The following PTPRN2 variants were observed in gnomAD, a reference collection of about 807,000 sequenced individuals.
PTPRN2 encodes the protein receptor-type tyrosine-protein phosphatase N2.
PTPRN2 carries 74 observed loss-of-function variants against 118.8 expected under a neutral mutation model. The observed-to-expected ratio is 0.62, with a 90% CI of 0.52 to 0.76. The LOEUF (loss-of-function observed/expected upper bound fraction) is 0.76. Among genes scored for constraint, PTPRN2 ranks in the 30% least tolerant of loss-of-function variants. PTPRN2 has a pLI of 0.00. For missense variants in PTPRN2, 1,481 were observed against 1,394.4 expected (o/e 1.06, Z -0.99); for synonymous variants, 641 against 608.0 (o/e 1.05, Z -0.80).
intron 12 of PTPRN2, among the ~76,000 whole-genome samples, chr7:157,849,102 G>C (rs1244156685): frequency 6.6e-6 from 1 of 152,190 alleles, no homozygotes; most frequent in Non-Finnish European, 1.5e-5. Context: ...TCTACACCCA[G>C]GTCCTTCTCA....
chr7:157,725,838 C>T (rs1796243), intron 12 of PTPRN2, among the ~76,000 whole-genome samples: 1 of 132,538 alleles, frequency 7.5e-6, no homozygotes, highest in Admixed American at 7.3e-5. Flanking sequence ...GCCAGACCCT[C>T]GCCTCCCAGG....
At chr7:158,125,456 G>A (rs1254057892) in intron 9 of PTPRN2, among the ~76,000 whole-genome samples, 1 of 152,206 alleles carries the variant, frequency 6.6e-6, no homozygotes, top group African/African-American at 2.4e-5. Context: ...GTTTGGGAGA[G>A]TTTTTGTTTA....
chr7:157,628,979 T>TTTA (rs1803772848), intron 14 of PTPRN2, among the ~76,000 whole-genome samples: 1 of 152,184 alleles, frequency 6.6e-6, no homozygotes, highest in African/African-American at 2.4e-5. Context: ...GACACTAAAC[T>TTTA]GCTAGTTAAC....
intron 11 of PTPRN2, among the ~76,000 whole-genome samples, chr7:158,070,734 CGTGGTGGTGG>C (rs1811262642): frequency 2.1e-5 from 2 of 97,042 alleles, no homozygotes; most frequent in Non-Finnish European, 3.8e-5. Context: ...TGGAGGTGCC[CGTGGTGGTGG>C]AGGTGCCCGT....
chr7:158,557,316 C>G (rs1004788168), intron 1 of PTPRN2, among the ~76,000 whole-genome samples: 2 of 142,858 alleles, frequency 1.4e-5, no homozygotes, highest in Admixed American at 7.0e-5. Flanking sequence ...AGGTCGCTCC[C>G]GCGCAGGGCA....
chr7:158,305,055 TTCAC>T (rs1186022882), intron 3 of PTPRN2, among the ~76,000 whole-genome samples: 1 of 152,236 alleles, frequency 6.6e-6, no homozygotes, highest in Non-Finnish European at 1.5e-5. Context: ...TTTGTCTGTC[TTCAC>T]GCCTCTGTTC....
chr7:157,698,750 C>T lies in PTPRN2; in HGVS notation c.1789-15813G>A, dbSNP rs183870818. Among the ~76,000 whole-genome samples the T allele has an allele frequency of 1.4e-4, 21 of 152,230 alleles. No individual in the cohort carries two copies. In the East Asian group the frequency reaches 2.3e-3, roughly 17 times the overall value. The stretch of plus-strand genomic sequence containing the variant: ...TAGAGGATCTATTACTTTTAATCAA[C>T]GTATTTGTAAAGATCTAATATTTTA... On this transcript the variant is annotated intron_variant, in intron 12 of 22. Transcript: ENST00000389418.
At chr7:157,663,535 C>T (rs1795998013) in intron 13 of PTPRN2, among the ~76,000 whole-genome samples, 1 of 152,252 alleles carries the variant, frequency 6.6e-6, no homozygotes, top group Admixed American at 6.5e-5. Flanking sequence ...CGTTTGGCCG[C>T]TGCCTCTCCC....
chr7:157,969,686 G>T (rs1202016930), intron 11 of PTPRN2, among the ~76,000 whole-genome samples: 1 of 152,048 alleles, frequency 6.6e-6, no homozygotes. Context: ...GAGTCCTGGT[G>T]GGAGCAGAAA....
intron 12 of PTPRN2, among the ~76,000 whole-genome samples, chr7:157,802,586 A>G (rs936166841): frequency 1.3e-5 from 2 of 152,212 alleles, no homozygotes; most frequent in Non-Finnish European, 2.9e-5. Flanking sequence ...CCTTTGGATA[A>G]ATATCTGGAA....
Position 157,778,401 on chromosome 7 carries a change from C to A in PTPRN2, c.1789-95464G>T, listed in dbSNP as rs192655486. 1.1e-4 allele frequency among the ~76,000 whole-genome samples: 16 copies of A among 151,732 alleles called. 3 individuals carry two copies. Among genetic ancestry groups the A allele is most frequent in the African/African-American group, 3.9e-4 (16 of 41,328 alleles). On this transcript the variant is annotated intron_variant, in intron 12 of 22. Transcript: ENST00000389418. The stretch of plus-strand genomic sequence containing the variant: ...TCCACGTGAATACAGGTGTTGAATG[C>A]CCACGTACATGTGAATACAGGCATC...
At chr7:158,496,214 C>CCCCT (rs1387369197) in intron 1 of PTPRN2, among the ~76,000 whole-genome samples, 2 of 144,924 alleles carry the variant, frequency 1.4e-5, no homozygotes, top group South Asian at 2.4e-4. Context: ...CCTGCAGCCT[C>CCCCT]CCCCTTCCCT....
chr7:157,544,769 G>C (rs1798195180), intron 22 of PTPRN2, among the ~76,000 whole-genome samples: 1 of 152,248 alleles, frequency 6.6e-6, no homozygotes, highest in African/African-American at 2.4e-5. Context: ...ACGGGAGAGA[G>C]GGGTGATTTC....
chr7:158,220,051 G>A (rs912306914), intron 3 of PTPRN2, among the ~76,000 whole-genome samples: 13 of 152,018 alleles, frequency 8.6e-5, no homozygotes, highest in African/African-American at 2.9e-4. Flanking sequence ...ATTGAAAACA[G>A]AAACCATATG....
At chr7:158,477,222 G>A (rs1041957026) in intron 2 of PTPRN2, among the ~76,000 whole-genome samples, 2 of 152,194 alleles carry the variant, frequency 1.3e-5, no homozygotes, top group Admixed American at 1.3e-4. Context: ...GGACATCTTA[G>A]ATGGTCCGGT....
At chr7:158,259,323 G>A (rs563346271) in intron 3 of PTPRN2, among the ~76,000 whole-genome samples, 14 of 152,326 alleles carry the variant, frequency 9.2e-5, no homozygotes, top group African/African-American at 2.6e-4. Context: ...AAGAGCCAGG[G>A]AAGCAGGTGG....
intron 11 of PTPRN2, among the ~76,000 whole-genome samples, chr7:158,026,750 C>T (rs1041775154): frequency 2.6e-5 from 4 of 152,164 alleles, no homozygotes; most frequent in Admixed American, 6.5e-5. Flanking sequence ...TCCACTCAGA[C>T]GTACAGGACA....
At chr7:158,317,689 A>C (rs1802449316) in intron 2 of PTPRN2, among the ~76,000 whole-genome samples, 1 of 152,196 alleles carries the variant, frequency 6.6e-6, no homozygotes, top group African/African-American at 2.4e-5. Context: ...TACTGCTTCC[A>C]CACAGGGCGG....
chr7:157,572,727 C>T (rs758533355), intron 19 of PTPRN2, among the ~76,000 whole-genome samples: 2 of 152,240 alleles, frequency 1.3e-5, no homozygotes, highest in African/African-American at 2.4e-5. Flanking sequence ...GGACTGGACT[C>T]GGCGTGCCCA....
Sources: gnomAD v4.1 joint callset for allele counts (sites outside exome capture counted in the v4.1 genomes callset) on GRCh38, gnomAD v4.1.1 for gene constraint, MANE v1.5 for transcripts, NCBI Gene and HGNC (gene_info 2026-07-23, HGNC 2026-07-21) for gene names.